Variants in SNX31 observed in about 807,000 individuals in gnomAD.
SNX31 encodes sorting nexin-31.
In SNX31, 58 loss-of-function variants were observed where a neutral mutation model predicts 65.4. That is an observed-to-expected ratio of 0.89 (90% CI 0.72 to 1.10). The LOEUF is 1.10. Among genes scored for constraint, SNX31 ranks in the 50% least tolerant of loss-of-function variants. SNX31 has a pLI of 0.00. For missense variants in SNX31, 523 were observed against 529.7 expected, an observed-to-expected ratio of 0.99 and a Z score of 0.12; for synonymous variants, 181 against 190.1, an observed-to-expected ratio of 0.95 and a Z score of 0.39.
chr8:100,643,578 C>T (rs1051468249), intron 2 of SNX31, among the ~76,000 whole-genome samples: 3 of 152,162 alleles, frequency 2.0e-5, no homozygotes, highest in Non-Finnish European at 4.4e-5. Flanking sequence ...CTCAAAACAG[C>T]ACTACGAGGT....
chr8:100,661,286 G>A (rs1008392513), intron 1 of SNX31, among the ~76,000 whole-genome samples: 4 of 152,018 alleles, frequency 2.6e-5, no homozygotes, highest in Non-Finnish European at 4.4e-5. Context: ...GATTACAGGC[G>A]TGAGCCACTG....
chr8:100,635,983 G>A lies in SNX31; in HGVS notation c.170C>T (p.Pro57Leu). The change falls in exon 3 of 14, where the codon CCA becomes CTA. Residue 57 changes from proline to leucine, a missense_variant. Pro to Leu is a moderately conservative substitution (Grantham distance 98, BLOSUM62 -3). Coordinates refer to ENST00000311812, the MANE Select transcript of SNX31 (RefSeq NM_152628.4). The stretch of plus-strand genomic sequence containing the variant: ...CAGATAGTACTTTGGTGGGAAGGGT[G>A]GCAGGCAATTTCCAAAGACCCGCCT... ...QLRRVFGNCL[P>L]PFPPKYYLAM... 1 of 1,614,110 alleles carries A rather than the reference G, an allele frequency of 6.2e-7. No individual in the cohort carries two copies. The highest frequency in any genetic ancestry group is 1.7e-5 in the Admixed American group (1 of 60,010).
At position 100,604,147 on chromosome 8, in the gene SNX31, G is replaced by T. The variant is rs1237490812; in HGVS notation, c.682-3706C>A. Among the ~76,000 whole-genome samples, 1 of 152,178 alleles carries T rather than the reference G, an allele frequency of 6.6e-6. No individual in the cohort carries two copies. Among genetic ancestry groups the T allele is most frequent in the Non-Finnish European group, 1.5e-5 (1 of 68,034 alleles). Reference sequence around the variant, plus strand: ...CTCTGAGTAGGTCCAGACAATGAGAGTCGAGTCTAGACAAGTCTACTCAGT... The same window carrying T: ...CTCTGAGTAGGTCCAGACAATGAGATTCGAGTCTAGACAAGTCTACTCAGT... On this transcript the variant is annotated intron_variant, in intron 8 of 13. Transcript: ENST00000311812. The surrounding 1 kb of genome is among the most constrained non-coding windows in gnomAD (Gnocchi z 4.3).
At chr8:100,659,237 T>C (rs1190839523) in intron 1 of SNX31, among the ~76,000 whole-genome samples, 1 of 151,300 alleles carries the variant, frequency 6.6e-6, no homozygotes, top group Non-Finnish European at 1.5e-5. Flanking sequence ...TCCTAGCTAC[T>C]CGGGAGGCTG....
intron 10 of SNX31, among the ~76,000 whole-genome samples, chr8:100,593,173 A>G (rs936701504): frequency 2.0e-5 from 3 of 152,206 alleles, no homozygotes; most frequent in Non-Finnish European, 4.4e-5. Flanking sequence ...ATATGGGTGA[A>G]TTGTATGGTA....
intron 3 of SNX31, among the ~76,000 whole-genome samples, chr8:100,631,104 A>G (rs1192457564): frequency 6.6e-6 from 1 of 152,044 alleles, no homozygotes; most frequent in Non-Finnish European, 1.5e-5. Flanking sequence ...ACCCCTTTGA[A>G]TGATAGGAGT....
At chr8:100,636,061 G>A in intron 2 of SNX31, 50 bp from the exon 3 acceptor site, 1 of 1,396,396 alleles carries the variant, frequency 7.2e-7, no homozygotes, top group Non-Finnish European at 1.0e-6. Context: ...CCAGTTCAGG[G>A]TTGATGAGAT....
chr8:100,663,228 G>C (rs1385153598), exon 1 of SNX31: 2 of 131,582 alleles, frequency 1.5e-5, no homozygotes, highest in Non-Finnish European at 3.1e-5. Context: ...GTCTAACAGA[G>C]CTGCGCAGAT....
intron 8 of SNX31, 139 bp downstream of exon 8, chr8:100,608,355 G>A: frequency 1.4e-6 from 1 of 736,608 alleles, no homozygotes; most frequent in Non-Finnish European, 2.3e-6. Flanking sequence ...GGTAATCTCT[G>A]TTCTACTTTC....
At chr8:100,645,510 TA>T (rs373967550) in intron 2 of SNX31, among the ~76,000 whole-genome samples, 9,932 of 151,790 alleles carry the variant, frequency 0.065, 444 homozygotes, top group Non-Finnish European at 0.095. Context: ...ATACTTATAC[TA>T]AAAAAAATTG....
At chr8:100,661,007 A>ATTTT (rs10641759) in intron 1 of SNX31, among the ~76,000 whole-genome samples, 35,635 of 140,280 alleles carry the variant, frequency 0.25, 5,322 homozygotes, top group African/African-American at 0.39. Flanking sequence ...GCAGGTCGAT[A>ATTTT]TTTTTTTTTT....
intron 1 of SNX31, among the ~76,000 whole-genome samples, chr8:100,662,956 G>A (rs960576012): frequency 6.6e-6 from 1 of 152,030 alleles, no homozygotes; most frequent in Non-Finnish European, 1.5e-5. Flanking sequence ...GAAGAAAATC[G>A]TGCTCCTTGC....
chr8:100,580,845 TCTAA>T (rs577167342), intron 12 of SNX31, among the ~76,000 whole-genome samples: 40 of 152,324 alleles, frequency 2.6e-4, no homozygotes, highest in African/African-American at 8.9e-4. Flanking sequence ...AAAACCTAAC[TCTAA>T]CTAATATACT....
intron 12 of SNX31, among the ~76,000 whole-genome samples, chr8:100,581,502 A>G (rs1205955007): frequency 6.6e-6 from 1 of 152,084 alleles, no homozygotes; most frequent in Non-Finnish European, 1.5e-5. Flanking sequence ...AACAAAGCTA[A>G]TTAAGTTAAC....
chr8:100,629,418 T>A lies in SNX31; in HGVS notation c.321+909A>T, dbSNP rs1818275031. Among the ~76,000 whole-genome samples the A allele has an allele frequency of 6.6e-6, 1 of 152,094 alleles. No individual in the cohort carries two copies. Among genetic ancestry groups the A allele is most frequent in the Admixed American group, 6.6e-5 (1 of 15,254 alleles). ...ATAAACCATCAAGAAATTGTGAAAA[T>A]ATGAACCACTACAGAACAGAAGGCT... On this transcript the variant is annotated intron_variant, in intron 4 of 13. Transcript: ENST00000311812. The surrounding 1 kb of genome is among the most constrained non-coding windows in gnomAD (Gnocchi z 5.1).
At chr8:100,631,009 A>G (rs1261082163) in intron 3 of SNX31, among the ~76,000 whole-genome samples, 1 of 152,112 alleles carries the variant, frequency 6.6e-6, no homozygotes. Flanking sequence ...GCTGGTCTCA[A>G]ATGCCCAACC....
chr8:100,602,223 T>A (rs1409123705), intron 8 of SNX31, among the ~76,000 whole-genome samples: 1 of 152,188 alleles, frequency 6.6e-6, no homozygotes, highest in African/African-American at 2.4e-5. Flanking sequence ...ATCTGCTACA[T>A]CCCTCAGTGA....
At chr8:100,605,708 CG>C (rs1816088720) in intron 8 of SNX31, among the ~76,000 whole-genome samples, 1 of 152,110 alleles carries the variant, frequency 6.6e-6, no homozygotes, top group South Asian at 2.1e-4. Context: ...CATGAAGCCA[CG>C]TTTTTTTAGC....
At chr8:100,591,473 A>T in intron 10 of SNX31, among the ~76,000 whole-genome samples, 1 of 136,274 alleles carries the variant, frequency 7.3e-6, no homozygotes, top group Non-Finnish European at 1.5e-5. Flanking sequence ...TGGGCAACAG[A>T]GTGAGACTCC....
Sources: gnomAD v4.1 joint callset for allele counts (sites outside exome capture counted in the v4.1 genomes callset) on GRCh38, gnomAD v4.1.1 for gene constraint, Gnocchi (gnomAD v3.1) non-coding constraint, MANE v1.5 for transcripts, NCBI Gene and HGNC (gene_info 2026-07-23, HGNC 2026-07-21) for gene names.